The following CTNND2 variants were observed in gnomAD, a reference collection of about 807,000 sequenced individuals.
The protein encoded by CTNND2 is catenin delta 2.
A neutral mutation model predicts 144.4 loss-of-function variants in CTNND2; 22 were observed. That is an observed-to-expected ratio of 0.15 (90% CI 0.11 to 0.22). CTNND2 has a LOEUF of 0.22. Among genes scored for constraint, CTNND2 ranks in the 10% least tolerant of loss-of-function variants. The pLI is 1.00. For synonymous variants in CTNND2, 751 were observed against 695.6 expected (o/e 1.08, Z -1.25); for missense variants, 1,353 against 1,618.8 (o/e 0.84, Z 2.82).
At chr5:11,476,758 A>G (rs1004024211) in intron 3 of CTNND2, among the ~76,000 whole-genome samples, 2 of 152,194 alleles carry the variant, frequency 1.3e-5, no homozygotes, top group Non-Finnish European at 2.9e-5. Flanking sequence ...GTAAAGTGCT[A>G]TATAAGTGCA....
chr5:11,396,956 T>G (rs1175913830), intron 6 of CTNND2, 75 bp downstream of exon 6: 1 of 1,406,454 alleles, frequency 7.1e-7, no homozygotes, highest in African/African-American at 1.4e-5. Flanking sequence ...CTCCACAATC[T>G]CCACATCCAC....
chr5:11,071,462 C>A (rs1248483747), intron 16 of CTNND2, among the ~76,000 whole-genome samples: 2 of 152,122 alleles, frequency 1.3e-5, no homozygotes, highest in Admixed American at 1.3e-4. Flanking sequence ...ATCGTTTGAA[C>A]CTCGGAGGCT....
chr5:10,991,632 T>C (rs1421995855), intron 19 of CTNND2, among the ~76,000 whole-genome samples: 1 of 152,236 alleles, frequency 6.6e-6, no homozygotes, highest in Non-Finnish European at 1.5e-5. Context: ...AATCAAGTAT[T>C]TTTACGAATA....
At chr5:11,688,675 G>C (rs1436710306) in intron 2 of CTNND2, among the ~76,000 whole-genome samples, 1 of 152,162 alleles carries the variant, frequency 6.6e-6, no homozygotes, top group African/African-American at 2.4e-5. Flanking sequence ...CAAGTGACGA[G>C]TGGAAGTCTC....
intron 12 of CTNND2, among the ~76,000 whole-genome samples, chr5:11,119,720 C>G (rs1345872779): frequency 1.3e-5 from 2 of 152,154 alleles, no homozygotes; most frequent in Non-Finnish European, 2.9e-5. Flanking sequence ...CTTTGCATGG[C>G]AATGTGTGAT....
intron 3 of CTNND2, among the ~76,000 whole-genome samples, chr5:11,437,734 T>C (rs31825): frequency 0.048 from 7,326 of 152,264 alleles, 571 homozygotes; most frequent in African/African-American, 0.16. Flanking sequence ...GAGAGGACTG[T>C]AATCGGAGAT....
chr5:11,159,952 G>A (rs1202360317), intron 11 of CTNND2, among the ~76,000 whole-genome samples, 193 bp from the exon 12 acceptor site: 1 of 152,234 alleles, frequency 6.6e-6, no homozygotes, highest in Admixed American at 6.5e-5. Context: ...AATCTGATGA[G>A]TGAGCAGAGG....
chr5:11,415,688 T>C (rs1761880501), intron 3 of CTNND2, among the ~76,000 whole-genome samples: 1 of 152,122 alleles, frequency 6.6e-6, no homozygotes, highest in South Asian at 2.1e-4. Flanking sequence ...TTTTAAGTGA[T>C]ATGAGTGAGG....
intron 16 of CTNND2, among the ~76,000 whole-genome samples, chr5:11,057,964 G>C (rs1746513657): frequency 6.6e-6 from 1 of 152,208 alleles, no homozygotes; most frequent in Non-Finnish European, 1.5e-5. Flanking sequence ...TTGAACATAA[G>C]AGAGATGATT....
chr5:11,385,323 G>C (rs1211714131), intron 6 of CTNND2, 94 bp from the exon 7 acceptor site: 4 of 871,840 alleles, frequency 4.6e-6, no homozygotes, highest in Non-Finnish European at 5.5e-6. Context: ...GAGGCACACC[G>C]GGGATGCCGC....
At chr5:11,152,481 G>A (rs927948525) in intron 12 of CTNND2, among the ~76,000 whole-genome samples, 3 of 152,164 alleles carry the variant, frequency 2.0e-5, no homozygotes, top group Non-Finnish European at 2.9e-5. Flanking sequence ...GTGTAAGTGC[G>A]CCCTATGGTG....
At chr5:11,054,442 C>T (rs2081654884) in intron 16 of CTNND2, among the ~76,000 whole-genome samples, 1 of 152,132 alleles carries the variant, frequency 6.6e-6, no homozygotes, top group African/African-American at 2.4e-5. Context: ...AGGAAAAGAA[C>T]TAAGAGGAGT....
intron 12 of CTNND2, among the ~76,000 whole-genome samples, chr5:11,132,354 A>G (rs1338327176): frequency 6.6e-6 from 1 of 152,196 alleles, no homozygotes; most frequent in Non-Finnish European, 1.5e-5. Flanking sequence ...CCTCCAACAA[A>G]TCATATTTTG....
chr5:11,281,259 T>C (rs1747081680), intron 9 of CTNND2, among the ~76,000 whole-genome samples: 2 of 152,194 alleles, frequency 1.3e-5, no homozygotes, highest in African/African-American at 4.8e-5. Flanking sequence ...AGGCTAAGCA[T>C]GTTTACATTA....
At chr5:11,664,784 T>C (rs375352893) in intron 2 of CTNND2, among the ~76,000 whole-genome samples, 1 of 152,216 alleles carries the variant, frequency 6.6e-6, no homozygotes, top group Non-Finnish European at 1.5e-5. Context: ...AAAGCTAGAA[T>C]TGATAACTTA....
intron 9 of CTNND2, among the ~76,000 whole-genome samples, chr5:11,330,858 G>C (rs1176668784): frequency 1.3e-5 from 2 of 151,700 alleles, no homozygotes; most frequent in East Asian, 3.9e-4. Context: ...GTCTGTGTGT[G>C]AGCCTAAGTG....
intron 3 of CTNND2, among the ~76,000 whole-genome samples, chr5:11,484,676 T>C (rs923163761): frequency 1.3e-5 from 2 of 152,250 alleles, no homozygotes; most frequent in Non-Finnish European, 2.9e-5. Context: ...ATTTTAACTA[T>C]TCTAGAATAT....
intron 10 of CTNND2, among the ~76,000 whole-genome samples, chr5:11,215,183 A>C (rs1333503069): frequency 3.9e-5 from 6 of 152,206 alleles, no homozygotes; most frequent in Non-Finnish European, 8.8e-5. Flanking sequence ...GAAGTATCAT[A>C]TATCAAGCAG....
intron 2 of CTNND2, among the ~76,000 whole-genome samples, chr5:11,690,960 A>C (rs1301340672): frequency 6.6e-6 from 1 of 152,180 alleles, no homozygotes; most frequent in African/African-American, 2.4e-5. Context: ...TAGTTAACAA[A>C]ATGTAATGAT....
Sources: allele counts gnomAD v4.1 joint callset (sites outside exome capture counted in the v4.1 genomes callset), GRCh38; gene constraint gnomAD v4.1.1; transcripts MANE v1.5; gene names NCBI Gene and HGNC (gene_info 2026-07-23, HGNC 2026-07-21).